The following TNRC6A variants were observed in gnomAD, a reference collection of about 807,000 sequenced individuals.
TNRC6A encodes the protein trinucleotide repeat containing adaptor 6A, also known as trinucleotide repeat-containing gene 6A protein.
TNRC6A carries 44 observed loss-of-function variants against 221.2 expected under a neutral mutation model. The ratio of observed to expected loss-of-function variants is 0.20; its 90% confidence interval spans 0.16 to 0.26. The LOEUF is 0.26. TNRC6A is among the 10% of genes least tolerant of loss of function. The pLI is 1.00. For missense variants in TNRC6A, 2,199 were observed against 2,404.4 expected (o/e 0.91, Z 1.79); for synonymous variants, 847 against 838.5 (o/e 1.01, Z -0.18).
chr16:24,698,745 T>C (rs774094746), intron 2 of TNRC6A, among the ~76,000 whole-genome samples: 4 of 152,156 alleles, frequency 2.6e-5, no homozygotes, highest in Non-Finnish European at 5.9e-5. Context: ...AGAGTCTTGC[T>C]CTGTCGCCAG....
intron 5 of TNRC6A, among the ~76,000 whole-genome samples, chr16:24,777,568 C>T (rs1379437676): frequency 1.3e-5 from 2 of 152,130 alleles, no homozygotes; most frequent in African/African-American, 2.4e-5. Flanking sequence ...ATTACTGATT[C>T]TCCCTTCAGG....
intron 2 of TNRC6A, among the ~76,000 whole-genome samples, chr16:24,682,365 A>G (rs1319531755): frequency 6.6e-6 from 1 of 150,942 alleles, no homozygotes; most frequent in African/African-American, 2.4e-5. Context: ...AGCTGGGACT[A>G]CAGGCGTGCA....
At chr16:24,618,528 G>A (rs765702508) in intron 1 of TNRC6A, among the ~76,000 whole-genome samples, 6 of 151,692 alleles carry the variant, frequency 4.0e-5, no homozygotes, top group Non-Finnish European at 7.4e-5. Flanking sequence ...ACAGCAGTGT[G>A]ATTATATCAC....
chr16:24,730,191 C>G, intron 1 of TNRC6A, 62 bp from the exon 2 acceptor site: 3 of 1,503,984 alleles, frequency 2.0e-6, no homozygotes, highest in Non-Finnish European at 2.7e-6. Context: ...TCCGTTTTCA[C>G]GCGCATCTCG....
intron 2 of TNRC6A, among the ~76,000 whole-genome samples, chr16:24,749,014 A>G (rs2057076453): frequency 6.6e-6 from 1 of 152,082 alleles, no homozygotes; most frequent in African/African-American, 2.4e-5. Flanking sequence ...AGCTGGGACT[A>G]CAGGTGCCCG....
chr16:24,626,245 T>G (rs1900982986), intron 1 of TNRC6A, among the ~76,000 whole-genome samples: 1 of 152,106 alleles, frequency 6.6e-6, no homozygotes, highest in African/African-American at 2.4e-5. Flanking sequence ...GGTTTCAGAA[T>G]CGCAAATCTA....
intron 2 of TNRC6A, among the ~76,000 whole-genome samples, chr16:24,736,097 G>T (rs765633652): frequency 6.6e-6 from 1 of 152,164 alleles, no homozygotes; most frequent in Non-Finnish European, 1.5e-5. Flanking sequence ...CCTGGGAGGC[G>T]AGGGTTGCAG....
At chr16:24,762,476 C>T (rs1459074205) in intron 4 of TNRC6A, among the ~76,000 whole-genome samples, 1 of 152,152 alleles carries the variant, frequency 6.6e-6, no homozygotes, top group Non-Finnish European at 1.5e-5. Flanking sequence ...TGGGTATCAG[C>T]AGTTCAGAAC....
chr16:24,706,346 G>C (rs2056092403), intron 2 of TNRC6A, among the ~76,000 whole-genome samples: 1 of 151,922 alleles, frequency 6.6e-6, no homozygotes, highest in Non-Finnish European at 1.5e-5. Flanking sequence ...TTTTGAAAAA[G>C]GAAAGTAATA....
At chr16:24,679,796 A>G (rs2055495377) in intron 2 of TNRC6A, among the ~76,000 whole-genome samples, 1 of 151,906 alleles carries the variant, frequency 6.6e-6, no homozygotes, top group Admixed American at 6.6e-5. Flanking sequence ...TTTTTTAGAG[A>G]CAAGGTCTCA....
chr16:24,614,103 C>T (rs113891621), intron 1 of TNRC6A, among the ~76,000 whole-genome samples: 1 of 152,176 alleles, frequency 6.6e-6, no homozygotes, highest in African/African-American at 2.4e-5. Context: ...TGGATGATCT[C>T]ACCCAGGTGT....
At chr16:24,725,953 T>C (rs555088502), upstream of TNRC6A, among the ~76,000 whole-genome samples, 1 of 150,836 alleles carries the variant, frequency 6.6e-6, no homozygotes, top group African/African-American at 2.4e-5. Context: ...TGAGCTGAGA[T>C]CATGCCACTG....
intron 2 of TNRC6A, among the ~76,000 whole-genome samples, chr16:24,685,333 C>CT (rs1196232621): frequency 6.6e-6 from 1 of 151,910 alleles, no homozygotes; most frequent in Non-Finnish European, 1.5e-5. Context: ...ATATTGTATT[C>CT]TTTTTTGGCA....
chr16:24,685,383 T>C (rs1319388116), intron 2 of TNRC6A, among the ~76,000 whole-genome samples: 1 of 152,060 alleles, frequency 6.6e-6, no homozygotes, highest in Non-Finnish European at 1.5e-5. Flanking sequence ...GTGGCCCAGG[T>C]TGGAGTACAG....
At chr16:24,633,752 A>C (rs1901474300) in intron 1 of TNRC6A, among the ~76,000 whole-genome samples, 1 of 150,276 alleles carries the variant, frequency 6.7e-6, no homozygotes. Context: ...TCCCAATAGA[A>C]TTTAAGCTCC....
intron 1 of TNRC6A, among the ~76,000 whole-genome samples, chr16:24,638,486 G>A (rs931654026): frequency 1.3e-5 from 2 of 152,174 alleles, no homozygotes; most frequent in Non-Finnish European, 2.9e-5. Flanking sequence ...GCCGAGGCAG[G>A]CGGATCGCTT....
At chr16:24,615,055 A>G (rs1289879310) in intron 1 of TNRC6A, among the ~76,000 whole-genome samples, 4 of 152,120 alleles carry the variant, frequency 2.6e-5, no homozygotes, top group African/African-American at 9.7e-5. Context: ...ACAGAGTGAG[A>G]CTCTGTCTCA....
At chr16:24,629,717 G>T (rs1231883595) in intron 1 of TNRC6A, among the ~76,000 whole-genome samples, 1 of 152,014 alleles carries the variant, frequency 6.6e-6, no homozygotes, top group Non-Finnish European at 1.5e-5. Context: ...AGTGGTTCAC[G>T]CCTGTAATCT....
intron 2 of TNRC6A, among the ~76,000 whole-genome samples, chr16:24,682,876 C>A (rs2055559573): frequency 6.6e-6 from 1 of 152,150 alleles, no homozygotes; most frequent in Non-Finnish European, 1.5e-5. Flanking sequence ...ATACACTTAG[C>A]CTCCCAAGAC....
Sources: allele counts gnomAD v4.1 joint callset (sites outside exome capture counted in the v4.1 genomes callset), GRCh38; gene constraint gnomAD v4.1.1; transcripts MANE v1.5; gene names NCBI Gene and HGNC (gene_info 2026-07-23, HGNC 2026-07-21).